Variants in SDR16C5 observed in about 807,000 individuals in gnomAD.
The protein encoded by SDR16C5 is short chain dehydrogenase/reductase family 16C member 5, also known as epidermal retinol dehydrogenase 2.
In SDR16C5, 20 loss-of-function variants were observed where a neutral mutation model predicts 27.7. The observed-to-expected ratio is 0.72, with a 90% confidence interval of 0.51 to 1.05. The LOEUF (loss-of-function observed/expected upper bound fraction) is 1.05. Among genes scored for constraint, SDR16C5 ranks in the 50% least tolerant of loss-of-function variants. The probability of loss-of-function intolerance (pLI) is 0.00; values close to 1 mark genes in which losing one functional copy is unlikely to be tolerated. For missense variants in SDR16C5, 374 were observed against 366.3 expected (o/e 1.02, Z -0.17); for synonymous variants, 139 against 132.3 (o/e 1.05, Z -0.35).
intron 6 of SDR16C5, among the ~76,000 whole-genome samples, chr8:56,301,857 A>G (rs1814764858): frequency 6.6e-6 from 1 of 152,226 alleles, no homozygotes; most frequent in Non-Finnish European, 1.5e-5. Flanking sequence ...CAGAGGAAGC[A>G]GTGAAGTCTT....
At chr8:56,309,935 A>T (rs1182183198) in intron 3 of SDR16C5, among the ~76,000 whole-genome samples, 1 of 151,916 alleles carries the variant, frequency 6.6e-6, no homozygotes, top group African/African-American at 2.4e-5. Context: ...CAATGTGCAG[A>T]TGCTCAAAGA....
chr8:56,301,887 T>C (rs1047735075), intron 6 of SDR16C5, among the ~76,000 whole-genome samples: 1 of 152,178 alleles, frequency 6.6e-6, no homozygotes, highest in Non-Finnish European at 1.5e-5. Flanking sequence ...GCATGCGCTT[T>C]GGGGGCAGAT....
intron 3 of SDR16C5, among the ~76,000 whole-genome samples, chr8:56,311,260 A>T (rs1432722972): frequency 2.0e-5 from 3 of 151,900 alleles, no homozygotes; most frequent in Non-Finnish European, 4.4e-5. Flanking sequence ...CTAAAAACAC[A>T]AAAAATTAGT....
chr8:56,308,439 G>A (rs1335518319), intron 4 of SDR16C5, among the ~76,000 whole-genome samples: 2 of 152,166 alleles, frequency 1.3e-5, no homozygotes, highest in Admixed American at 1.3e-4. Context: ...TTGTTGCAAG[G>A]GAGATGAAAA....
In SDR16C5 at chr8:56,301,144, G is replaced by T. The variant is rs1814742875; in HGVS notation, c.*336C>A. The T allele has an allele frequency of 4.5e-6, 1 of 223,298 alleles. No homozygotes were observed. Among genetic ancestry groups the T allele is most frequent in the Non-Finnish European group, 9.0e-6 (1 of 111,514 alleles). The allele number at this position is 223,298 out of a possible 1,614,324, so 13.8% of individuals were successfully genotyped here. ...CAAGGCAGGTCAACCACAGCCGCTGGCTCCATTTGAGCCACCTCCCCAACG... is the reference window on the plus strand; with the variant it reads ...CAAGGCAGGTCAACCACAGCCGCTGTCTCCATTTGAGCCACCTCCCCAACG... On this transcript the variant is annotated 3_prime_UTR_variant, in exon 7 of 7. Transcript: ENST00000303749.
At chr8:56,302,176 T>C (rs1421552251) in intron 6 of SDR16C5, among the ~76,000 whole-genome samples, 1 of 152,148 alleles carries the variant, frequency 6.6e-6, no homozygotes, top group Admixed American at 6.5e-5. Context: ...CATTCAATAC[T>C]GCAGAGCAAG....
intron 2 of SDR16C5, among the ~76,000 whole-genome samples, chr8:56,315,127 C>G (rs538551690): frequency 2.8e-4 from 42 of 152,154 alleles, no homozygotes; most frequent in African/African-American, 1.0e-3. Flanking sequence ...GGCCTGTAAT[C>G]CCAGCTACTC....
intron 1 of SDR16C5, among the ~76,000 whole-genome samples, chr8:56,316,831 A>T (rs1386353428): frequency 6.6e-6 from 1 of 152,190 alleles, no homozygotes; most frequent in Non-Finnish European, 1.5e-5. Context: ...TCTCATTTGC[A>T]TTCTCGTTAA....
At position 56,310,325 on chromosome 8, in the gene SDR16C5, G is replaced by GA. The variant is rs377744840; in HGVS notation, c.466-1299dup. Among the ~76,000 whole-genome samples, 282 of 102,014 alleles carry GA rather than the reference G, an allele frequency of 2.8e-3. 40 individuals are homozygous for GA. Among genetic ancestry groups the GA allele is most frequent in the African/African-American group, 0.012 (268 of 21,898 alleles). The allele number at this position is 102,014 out of a possible 152,430, so 66.9% of individuals were successfully genotyped here. ...AGGAGGAGGAAGGAGGAGGAGGAAG[G>GA]AGGAGGAGGAGGAAGGAGGAAGAGG... On this transcript the variant is annotated intron_variant, in intron 3 of 6. Transcript: ENST00000303749.
chr8:56,306,385 G>A (rs1289044328), intron 5 of SDR16C5, among the ~76,000 whole-genome samples: 1 of 152,178 alleles, frequency 6.6e-6, no homozygotes, highest in African/African-American at 2.4e-5. Flanking sequence ...CAGAGAGGGA[G>A]CAGAATGGGA....
chr8:56,306,109 T>C (rs1446498520), intron 5 of SDR16C5, among the ~76,000 whole-genome samples: 1 of 152,188 alleles, frequency 6.6e-6, no homozygotes, highest in Admixed American at 6.5e-5. Context: ...AATTCACATG[T>C]TGAAGCCTAA....
intron 6 of SDR16C5, among the ~76,000 whole-genome samples, chr8:56,302,146 C>G (rs561544045): frequency 6.6e-6 from 1 of 152,344 alleles, no homozygotes; most frequent in African/African-American, 2.4e-5. Context: ...CAACAGAGCA[C>G]TCTGCTCCAC....
chr8:56,309,532 A>G, intron 3 of SDR16C5: 5 of 985,100 alleles, frequency 5.1e-6, no homozygotes, highest in Non-Finnish European at 4.8e-6. Context: ...AATATCTATT[A>G]GAAAGAGGAC....
intron 1 of SDR16C5, among the ~76,000 whole-genome samples, chr8:56,318,751 C>A (rs1029675760): frequency 1.3e-5 from 2 of 152,086 alleles, no homozygotes; most frequent in Non-Finnish European, 2.9e-5. Flanking sequence ...GATGCAAGAC[C>A]TAAAATATGT....
At chr8:56,313,981 G>A (rs906023523) in intron 2 of SDR16C5, among the ~76,000 whole-genome samples, 3 of 152,106 alleles carry the variant, frequency 2.0e-5, no homozygotes, top group African/African-American at 7.2e-5. Context: ...GGCCGAGGCG[G>A]GTGGATAATG....
At position 56,308,915 on chromosome 8, in the gene SDR16C5, ATGTTTTTCTTACC is replaced by A. The variant is rs1814954044; in HGVS notation, c.565_565+12del. ...GGGAATTTTGCAATTGTAAATTGCT[ATGTTTTTCTTACC>A]TGCCAGCCCATTTACTCCACTTAAT... On this transcript the variant is annotated splice_donor_variant and splice_donor_5th_base_variant and coding_sequence_variant and intron_variant, in exon 4 of 7. Transcript: ENST00000303749. LOFTEE classifies it high-confidence loss of function. The A allele has an allele frequency of 6.3e-7, 1 of 1,591,540 alleles. No individual in the cohort carries two copies. Among genetic ancestry groups the A allele is most frequent in the African/African-American group, 1.3e-5 (1 of 74,222 alleles).
chr8:56,312,118 A>G (rs1459845437), intron 3 of SDR16C5, 39 bp downstream of exon 3: 2 of 1,549,616 alleles, frequency 1.3e-6, no homozygotes, highest in African/African-American at 1.4e-5. Context: ...CAAATGCCAG[A>G]ATAATTTTAC....
chr8:56,303,003 AT>A (rs1427172831), intron 6 of SDR16C5, among the ~76,000 whole-genome samples: 5 of 150,248 alleles, frequency 3.3e-5, no homozygotes, highest in Admixed American at 6.6e-5. Context: ...AAAGAGTAAA[AT>A]TAAAAAAAAA....
chr8:56,302,947 A>T (rs1814794860), intron 6 of SDR16C5, among the ~76,000 whole-genome samples: 2 of 151,854 alleles, frequency 1.3e-5, no homozygotes. Context: ...AAGCCACTGC[A>T]CTCTAGCCTG....
Sources: gnomAD v4.1 joint callset for allele counts (sites outside exome capture counted in the v4.1 genomes callset) on GRCh38, gnomAD v4.1.1 for gene constraint, MANE v1.5 for transcripts, NCBI Gene and HGNC (gene_info 2026-07-23, HGNC 2026-07-21) for gene names.